Variants in LY96 observed in about 807,000 individuals in gnomAD.
LY96 encodes the protein lymphocyte antigen 96, also known as myeloid differentiation protein-2.
LY96 carries 18 observed loss-of-function variants against 18.9 expected under a neutral mutation model. The ratio of observed to expected loss-of-function variants is 0.95; its 90% CI spans 0.66 to 1.41. The LOEUF is 1.41. Among genes scored for constraint, LY96 ranks in the 40% most tolerant of loss-of-function variants. The pLI, the probability that LY96 is intolerant of heterozygous loss-of-function variation, is 0.00. For missense variants in LY96, 175 were observed against 182.4 expected, an observed-to-expected ratio of 0.96 and a Z score of 0.23; for synonymous variants, 66 against 62.6, an observed-to-expected ratio of 1.06 and a Z score of -0.26.
At chr8:74,093,359 A>T in the LY96 span, among the ~76,000 whole-genome samples, 1 of 152,328 alleles carries the variant, frequency 6.6e-6, no homozygotes, top group African/African-American at 2.4e-5. Flanking sequence ...CATCTTTAAT[A>T]GCTACTGCAG....
intron 2 of LY96, among the ~76,000 whole-genome samples, chr8:74,007,079 C>T (rs528029929): frequency 3.9e-5 from 6 of 152,350 alleles, no homozygotes; most frequent in African/African-American, 1.4e-4. Context: ...GAATGCATCC[C>T]TGAGACACTC....
At chr8:74,095,020 A>C in the LY96 span, among the ~76,000 whole-genome samples, 599 of 152,372 alleles carry the variant, frequency 3.9e-3, 3 homozygotes, top group Middle Eastern at 0.01. Context: ...TGTGGGCTGA[A>C]TACAGAGAAA....
At chr8:74,081,048 T>TTCTTTCTTTCTTTTTC in the LY96 span, among the ~76,000 whole-genome samples, 2 of 96,998 alleles carry the variant, frequency 2.1e-5, no homozygotes, top group Non-Finnish European at 3.9e-5. Flanking sequence ...CTTTCTTTCT[T>TTCTTTCTTTCTTTTTC]TTTCTTTCTT....
the LY96 span, among the ~76,000 whole-genome samples, chr8:74,068,386 G>T: frequency 6.6e-6 from 1 of 152,040 alleles, no homozygotes; most frequent in Non-Finnish European, 1.5e-5. Flanking sequence ...ACAGACATTT[G>T]GATAGTCTTT....
chr8:73,993,859 A>C (rs1816064860), intron 1 of LY96, among the ~76,000 whole-genome samples: 1 of 152,172 alleles, frequency 6.6e-6, no homozygotes, highest in Non-Finnish European at 1.5e-5. Flanking sequence ...GATTACAGAT[A>C]TGAGCCACTG....
rs772474486 is a variant in LY96 at position 73,991,450 on chromosome 8, C to G, written c.8C>G (p.Pro3Arg). Residue 3 changes from proline (P) to arginine (R), a missense_variant, in exon 1 of 5, where the codon CCA (proline) becomes CGA (arginine). Physicochemically the swap from Pro to Arg is moderately radical, Grantham distance 103. Coordinates refer to ENST00000284818, the MANE Select transcript of LY96 (RefSeq NM_015364.5). The part of the protein sequence containing the change: ML[P>R]FLFFSTLFSS... ...CTTTGGAGATATTGAATCATGTTACCATTTCTGTTTTTTTCCACCCTGTTT... is the reference window on the plus strand; with the variant it reads ...CTTTGGAGATATTGAATCATGTTACGATTTCTGTTTTTTTCCACCCTGTTT... The G allele has an allele frequency of 1.9e-6, 3 of 1,583,228 alleles. No homozygotes were observed. The highest frequency in any genetic ancestry group is 3.3e-5 in the Admixed American group (2 of 59,974).
intron 3 of LY96, among the ~76,000 whole-genome samples, chr8:74,016,852 C>T (rs1376119571): frequency 1.3e-5 from 2 of 152,166 alleles, no homozygotes; most frequent in Non-Finnish European, 2.9e-5. Context: ...AAAGGAAGAG[C>T]ACCAACATCA....
At chr8:73,996,372 C>CCTTTCTTTCTTTCTTTCTTTCTTTT (rs1816136151) in intron 1 of LY96, among the ~76,000 whole-genome samples, 5 of 110,910 alleles carry the variant, frequency 4.5e-5, no homozygotes, top group Admixed American at 1.9e-4. Context: ...TTCCTTCATT[C>CCTTTCTTTCTTTCTTTCTTTCTTTT]CTTTCTTTCT....
chr8:74,069,232 T>C, the LY96 span, among the ~76,000 whole-genome samples: 1 of 152,254 alleles, frequency 6.6e-6, no homozygotes, highest in African/African-American at 2.4e-5. Flanking sequence ...GTTTAATCTA[T>C]TTTTAAAAAA....
chr8:74,098,714 G>T, the LY96 span, among the ~76,000 whole-genome samples: 4 of 152,152 alleles, frequency 2.6e-5, no homozygotes, highest in Non-Finnish European at 5.9e-5. Context: ...CTAAGAACTT[G>T]CAGAATTCTG....
chr8:74,077,951 T>TA, the LY96 span, among the ~76,000 whole-genome samples: 1 of 151,394 alleles, frequency 6.6e-6, no homozygotes, highest in South Asian at 2.1e-4. Context: ...TTACAAAAAT[T>TA]AAAAAAATTA....
Position 73,992,836 on chromosome 8 carries a change from C to CTGTGTGTGTGTGTG in LY96, c.112+1309_112+1322dup, listed in dbSNP as rs34327741. Among the ~76,000 whole-genome samples, 762 of 141,842 alleles carry CTGTGTGTGTGTGTG rather than the reference C, an allele frequency of 5.4e-3. 9 individuals carry two copies. The highest frequency in any genetic ancestry group is 0.026 in the Admixed American group (355 of 13,614). 93.1% of individuals were successfully genotyped at this position (141,842 alleles called of 152,430 possible). On this transcript the variant is annotated intron_variant, in intron 1 of 4. Transcript: ENST00000284818. ...TTTGTACCATGTGCTAATTATGCCACTGTGTGTGTGTGTGTGTGTGTGTGT... is the reference window on the plus strand; with the variant it reads ...TTTGTACCATGTGCTAATTATGCCACTGTGTGTGTGTGTGTGTGTGTGTGTGTGTGTGTGTGTGT...
At chr8:74,061,901 C>T in the LY96 span, among the ~76,000 whole-genome samples, 8,258 of 152,140 alleles carry the variant, frequency 0.054, 296 homozygotes, top group African/African-American at 0.1. Flanking sequence ...AGAGGATTTT[C>T]CTATATGTAC....
the LY96 span, among the ~76,000 whole-genome samples, chr8:74,081,050 T>TTTCTTTC: frequency 2.8e-4 from 31 of 110,058 alleles, 1 homozygote; most frequent in East Asian, 7.6e-4. Context: ...TTCTTTCTTT[T>TTTCTTTC]TCTTTCTTTC....
chr8:74,025,976 C>T (rs1389235005), intron 3 of LY96, among the ~76,000 whole-genome samples: 1 of 152,090 alleles, frequency 6.6e-6, no homozygotes, highest in African/African-American at 2.4e-5. Flanking sequence ...CCATTGTACT[C>T]CGGCCTGGGC....
chr8:74,059,326 T>A, the LY96 span, among the ~76,000 whole-genome samples: 1 of 152,250 alleles, frequency 6.6e-6, no homozygotes, highest in Non-Finnish European at 1.5e-5. Context: ...ATGAATTTAA[T>A]GCAGTTCTAA....
At chr8:74,011,446 A>G (rs1816528488) in intron 3 of LY96, among the ~76,000 whole-genome samples, 1 of 152,234 alleles carries the variant, frequency 6.6e-6, no homozygotes, top group Admixed American at 6.5e-5. Flanking sequence ...GTGAACAGAC[A>G]ACCTGTAGTA....
the LY96 span, among the ~76,000 whole-genome samples, chr8:74,082,485 T>C: frequency 1.3e-5 from 2 of 152,156 alleles, no homozygotes; most frequent in Admixed American, 1.3e-4. Flanking sequence ...AATTTTGAAG[T>C]TATTTAAACA....
chr8:74,052,123 T>C, the LY96 span, among the ~76,000 whole-genome samples: 154 of 152,126 alleles, frequency 1.0e-3, no homozygotes, highest in Non-Finnish European at 2.0e-3. Flanking sequence ...AGAGGTTATT[T>C]TGGAGAAGGG....
Sources: gnomAD v4.1 joint callset for allele counts (sites outside exome capture counted in the v4.1 genomes callset) on GRCh38, gnomAD v4.1.1 for gene constraint, MANE v1.5 for transcripts, NCBI Gene and HGNC (gene_info 2026-07-23, HGNC 2026-07-21) for gene names.